Variants in SH3GLB1 observed in about 807,000 individuals in gnomAD.
SH3GLB1 encodes endophilin-B1.
Under a neutral mutation model 42.0 loss-of-function variants are expected in SH3GLB1, and 17 were observed. The ratio of observed to expected loss-of-function variants is 0.40; its 90% CI spans 0.28 to 0.61. The LOEUF is 0.61. Ranked by LOEUF, SH3GLB1 falls within the 20% of genes least tolerant of loss-of-function variation. The pLI, the probability that SH3GLB1 is intolerant of heterozygous loss-of-function variation, is 0.36. For synonymous variants in SH3GLB1, 132 were observed against 146.6 expected, an observed-to-expected ratio of 0.90 and a Z score of 0.72; for missense variants, 355 against 426.3, an observed-to-expected ratio of 0.83 and a Z score of 1.47.
At chr1:86,720,970 A>T (rs529111821) in intron 3 of SH3GLB1, among the ~76,000 whole-genome samples, 1 of 152,292 alleles carries the variant, frequency 6.6e-6, no homozygotes, top group Non-Finnish European at 1.5e-5. Flanking sequence ...CATTAAACAG[A>T]TGTTTTATTG....
chr1:86,734,723 A>G (rs772656284), intron 6 of SH3GLB1, 32 bp downstream of exon 6: 1 of 1,567,684 alleles, frequency 6.4e-7, no homozygotes. Flanking sequence ...ATTCATTTGG[A>G]ACAAGACTTT....
At chr1:86,740,480 T>G (rs994387673) in intron 7 of SH3GLB1, among the ~76,000 whole-genome samples, 1 of 152,154 alleles carries the variant, frequency 6.6e-6, no homozygotes, top group Non-Finnish European at 1.5e-5. Flanking sequence ...ATGAAGTGAG[T>G]GGCATAAGAA....
intron 7 of SH3GLB1, among the ~76,000 whole-genome samples, chr1:86,740,581 G>A (rs1656011033): frequency 6.6e-6 from 1 of 152,196 alleles, no homozygotes; most frequent in African/African-American, 2.4e-5. Flanking sequence ...GCTTGTTGAT[G>A]TGAGAGCACT....
intron 1 of SH3GLB1, among the ~76,000 whole-genome samples, chr1:86,712,124 TA>T (rs1046607568): frequency 1.3e-5 from 2 of 152,164 alleles, no homozygotes; most frequent in African/African-American, 4.8e-5. Context: ...TAATAAGATT[TA>T]AATTTATAAT....
chr1:86,723,240 G>GA (rs1654969687), intron 4 of SH3GLB1, among the ~76,000 whole-genome samples: 1 of 152,184 alleles, frequency 6.6e-6, no homozygotes, highest in Non-Finnish European at 1.5e-5. Context: ...AGCCGGGCGT[G>GA]ATGGCTAACG....
chr1:86,711,364 C>T (rs1039189704), intron 1 of SH3GLB1, among the ~76,000 whole-genome samples: 5 of 151,874 alleles, frequency 3.3e-5, no homozygotes, highest in Admixed American at 6.6e-5. Flanking sequence ...CAATTCTTTC[C>T]GCAAAGCAAT....
At position 86,719,494 on chromosome 1, in the gene SH3GLB1, A is replaced by C. The variant is rs757239112; in HGVS notation, c.215-13A>C. The C allele has an allele frequency of 1.3e-6, 2 of 1,592,078 alleles. No homozygotes were observed. The highest frequency in any genetic ancestry group is 2.3e-5 in the East Asian group (1 of 44,186). On this transcript the variant is annotated splice_polypyrimidine_tract_variant and intron_variant, in intron 2 of 8. Transcript: ENST00000370558. ...TTTTTAGAAATCATTGGTAATTTTA[A>C]CCTTTCTCCTAGATGCCAGGATAGA...
chr1:86,720,013 A>AC (rs1218019663), intron 3 of SH3GLB1, among the ~76,000 whole-genome samples: 3 of 151,606 alleles, frequency 2.0e-5, no homozygotes, highest in African/African-American at 7.3e-5. Context: ...AAAAAAAAAA[A>AC]AAAACATAGT....
Position 86,719,762 on chromosome 1 carries a change from G to A in SH3GLB1, c.343+127G>A, listed in dbSNP as rs527683407. ...TGTAATCCCAGCACTTTGGGTGGTT[G>A]AGGTGGGCGGATCATGAGGTCAGGA... On this transcript the variant is annotated intron_variant, in intron 3 of 8. Coordinates refer to ENST00000370558, the MANE Select transcript of SH3GLB1 (RefSeq NM_016009.5). The A allele has an allele frequency of 1.7e-3, 1,413 of 811,074 alleles. 16 individuals are homozygous for A. The African/African-American group carries it at 0.023, about 13-fold the overall frequency. 50.2% of individuals were successfully genotyped at this position (811,074 alleles called of 1,614,324 possible).
chr1:86,704,714 C>T lies in SH3GLB1; in HGVS notation c.-186C>T. The T allele has an allele frequency of 2.2e-6, 1 of 460,808 alleles. No homozygotes were observed. Among genetic ancestry groups the T allele is most frequent in the East Asian group, 4.0e-5 (1 of 24,966 alleles). 28.5% of individuals were successfully genotyped at this position (460,808 alleles called of 1,614,324 possible). Reference sequence around the variant, plus strand: ...TTGGCGCTGCCGCCGCGCGCTTGTTCTCCTCCCTCGCCCCGCCTTCATCCT... The same window carrying T: ...TTGGCGCTGCCGCCGCGCGCTTGTTTTCCTCCCTCGCCCCGCCTTCATCCT... On this transcript the variant is annotated 5_prime_UTR_variant, in exon 1 of 9. Coordinates refer to ENST00000370558, the MANE Select transcript of SH3GLB1 (RefSeq NM_016009.5).
intron 7 of SH3GLB1, among the ~76,000 whole-genome samples, chr1:86,738,032 T>A (rs1396963186): frequency 6.6e-6 from 1 of 152,176 alleles, no homozygotes; most frequent in Non-Finnish European, 1.5e-5. Context: ...AATTTTGAGC[T>A]GAAGAGTGAC....
intron 3 of SH3GLB1, among the ~76,000 whole-genome samples, chr1:86,721,613 A>T (rs368056221): frequency 1.3e-5 from 2 of 152,166 alleles, no homozygotes; most frequent in East Asian, 1.9e-4. Flanking sequence ...TAAGTATCAG[A>T]GTATATGTAT....
chr1:86,720,156 CTT>C (rs1570420565), intron 3 of SH3GLB1, among the ~76,000 whole-genome samples: 1 of 152,104 alleles, frequency 6.6e-6, no homozygotes, highest in Non-Finnish European at 1.5e-5. Context: ...GAATTCACAT[CTT>C]TTTTAGTTCT....
In SH3GLB1 at chr1:86,747,857, T is replaced by A. The variant is rs1472017897; in HGVS notation, c.*4622T>A. 1 of 152,184 alleles carries A rather than the reference T, an allele frequency of 6.6e-6. No individual in the cohort carries two copies. The highest frequency in any genetic ancestry group is 1.5e-5 in the Non-Finnish European group (1 of 68,024). The allele number at this position is 152,184 out of a possible 1,614,324, so 9.4% of individuals were successfully genotyped here. On this transcript the variant is annotated 3_prime_UTR_variant, in exon 9 of 9. Coordinates refer to ENST00000370558, the MANE Select transcript of SH3GLB1 (RefSeq NM_016009.5). ...TGTTAATGCTTTTTTATAATACAAG[T>A]CATAGCCCTGTTGGCAAAAAGAAAA...
At chr1:86,716,441 A>G (rs1654538650) in intron 2 of SH3GLB1, among the ~76,000 whole-genome samples, 1 of 151,192 alleles carries the variant, frequency 6.6e-6, no homozygotes, top group South Asian at 2.1e-4. Context: ...CGCCCAGCTA[A>G]TTTTTTTTTG....
At chr1:86,728,405 A>G in intron 5 of SH3GLB1, 1 of 1,551,416 alleles carries the variant, frequency 6.4e-7, no homozygotes, top group Non-Finnish European at 8.7e-7. Context: ...CACTTAAGCA[A>G]CTAAACTCAG....
intron 5 of SH3GLB1, among the ~76,000 whole-genome samples, chr1:86,725,473 C>T (rs1367942235): frequency 2.6e-5 from 4 of 151,492 alleles, no homozygotes. Context: ...CTATATTATT[C>T]CAGAATTTGA....
chr1:86,707,279 C>A (rs578158635), intron 1 of SH3GLB1, among the ~76,000 whole-genome samples: 1 of 152,204 alleles, frequency 6.6e-6, no homozygotes, highest in South Asian at 2.1e-4. Context: ...AGTGACAGAC[C>A]TAGTTTTTTT....
intron 7 of SH3GLB1, among the ~76,000 whole-genome samples, chr1:86,739,831 A>G (rs1349137893): frequency 6.6e-6 from 1 of 152,300 alleles, no homozygotes; most frequent in South Asian, 2.1e-4. Flanking sequence ...AATTAGCATC[A>G]GGAGCATAGA....
Sources: allele counts gnomAD v4.1 joint callset (sites outside exome capture counted in the v4.1 genomes callset), GRCh38; gene constraint gnomAD v4.1.1; transcripts MANE v1.5; gene names NCBI Gene and HGNC (gene_info 2026-07-23, HGNC 2026-07-21).